The following KHDRBS2 variants were observed in gnomAD, a reference collection of about 807,000 sequenced individuals.
KHDRBS2 encodes the protein KH domain-containing, RNA-binding, signal transduction-associated protein 2.
Under a neutral mutation model 44.3 loss-of-function variants are expected in KHDRBS2, and 26 were observed. The ratio of observed to expected loss-of-function variants is 0.59; its 90% CI spans 0.43 to 0.81. The LOEUF is 0.81. KHDRBS2 is among the 40% of genes least tolerant of loss of function. The pLI, the probability that KHDRBS2 is intolerant of heterozygous loss-of-function variation, is 0.00. For synonymous variants in KHDRBS2, 194 were observed against 151.1 expected (o/e 1.28, Z -2.08); for missense variants, 476 against 433.1 (o/e 1.10, Z -0.88).
intron 7 of KHDRBS2, among the ~76,000 whole-genome samples, chr6:61,714,954 A>C (rs921610214): frequency 6.6e-6 from 1 of 151,962 alleles, no homozygotes. Context: ...TCCAATGTAC[A>C]ATATGTGGGT....
chr6:61,914,403 G>A (rs1186682661), intron 4 of KHDRBS2, among the ~76,000 whole-genome samples: 2 of 150,946 alleles, frequency 1.3e-5, no homozygotes, highest in Non-Finnish European at 1.5e-5. Flanking sequence ...GCAAACTATC[G>A]CAAGGACAAA....
intron 1 of KHDRBS2, among the ~76,000 whole-genome samples, chr6:62,214,908 C>A (rs976108208): frequency 1.3e-5 from 2 of 152,054 alleles, no homozygotes; most frequent in South Asian, 2.1e-4. Flanking sequence ...TCCAACTGTA[C>A]GTTCTTCTTC....
At chr6:62,021,931 T>C (rs1364997628) in intron 3 of KHDRBS2, among the ~76,000 whole-genome samples, 4 of 145,134 alleles carry the variant, frequency 2.8e-5, no homozygotes, top group African/African-American at 1.0e-4. Context: ...TGTGTATATA[T>C]ATATATATAC....
At chr6:61,681,568 T>C (rs935256586) in intron 8 of KHDRBS2, among the ~76,000 whole-genome samples, 14 of 151,798 alleles carry the variant, frequency 9.2e-5, no homozygotes, top group African/African-American at 3.4e-4. Context: ...TTGTGTTAAA[T>C]TGTATAGAGA....
rs1239584716 is a variant in KHDRBS2 at position 61,922,119 on chromosome 6, A to G, written c.484-20748T>C. On this transcript the variant is annotated intron_variant, in intron 4 of 8. Transcript: ENST00000281156. ...ATATTGAAATATTTATAATTTCTAA[A>G]AATCTATTTGTAGAGACTTATGCTT... 2.6e-5 allele frequency among the ~76,000 whole-genome samples: 4 copies of G among 152,088 alleles called. No individual in the cohort carries two copies. The South Asian group carries it at 6.2e-4, about 24-fold the overall frequency.
At chr6:62,154,107 G>A (rs2150107604) in intron 2 of KHDRBS2, among the ~76,000 whole-genome samples, 1 of 152,292 alleles carries the variant, frequency 6.6e-6, no homozygotes, top group South Asian at 2.1e-4. Context: ...GAAAGCCAAG[G>A]AGAGTACCAA....
intron 4 of KHDRBS2, among the ~76,000 whole-genome samples, chr6:61,969,568 T>G (rs749430463): frequency 6.6e-6 from 1 of 152,044 alleles, no homozygotes; most frequent in Non-Finnish European, 1.5e-5. Flanking sequence ...ACTTATAAAA[T>G]CATTTTCCTC....
chr6:62,102,620 C>T (rs867471738), intron 2 of KHDRBS2, among the ~76,000 whole-genome samples: 10 of 152,208 alleles, frequency 6.6e-5, no homozygotes, highest in South Asian at 2.1e-4. Flanking sequence ...CTCTGGCCCA[C>T]GGCTCCTGGG....
chr6:61,638,866 C>A, the KHDRBS2 span, among the ~76,000 whole-genome samples: 69 of 152,086 alleles, frequency 4.5e-4, 1 homozygote, highest in African/African-American at 1.4e-3. Flanking sequence ...TATCTTCTGT[C>A]TCTCCTATGT....
intron 8 of KHDRBS2, among the ~76,000 whole-genome samples, chr6:61,690,312 A>G (rs1212354240): frequency 6.6e-6 from 1 of 151,952 alleles, no homozygotes; most frequent in Admixed American, 6.6e-5. Flanking sequence ...CTAAATATAA[A>G]TCTATATCCT....
the KHDRBS2 span, among the ~76,000 whole-genome samples, chr6:61,547,993 T>C: frequency 6.6e-6 from 1 of 151,880 alleles, no homozygotes; most frequent in Middle Eastern, 3.2e-3. Flanking sequence ...AATCTCCAAA[T>C]CAACAGGGAA....
At chr6:61,758,777 C>T (rs1484786699) in intron 6 of KHDRBS2, among the ~76,000 whole-genome samples, 1 of 152,024 alleles carries the variant, frequency 6.6e-6, no homozygotes, top group East Asian at 1.9e-4. Context: ...ATAATACCAG[C>T]TCTAACTAAA....
At chr6:61,656,210 G>A in the KHDRBS2 span, among the ~76,000 whole-genome samples, 1 of 151,958 alleles carries the variant, frequency 6.6e-6, no homozygotes, top group Non-Finnish European at 1.5e-5. Flanking sequence ...CTGAATTTAG[G>A]CAGTCTTTTA....
At chr6:61,645,832 A>G in the KHDRBS2 span, among the ~76,000 whole-genome samples, 1 of 152,200 alleles carries the variant, frequency 6.6e-6, no homozygotes, top group Admixed American at 6.5e-5. Flanking sequence ...ACCTTTAATA[A>G]CATCCTCAAT....
At chr6:61,943,671 C>T (rs562914988) in intron 4 of KHDRBS2, among the ~76,000 whole-genome samples, 16 of 152,178 alleles carry the variant, frequency 1.1e-4, no homozygotes, top group Non-Finnish European at 2.1e-4. Context: ...TTATACAAAA[C>T]ATCTTCTGCA....
chr6:62,008,356 T>A (rs1036391148), intron 3 of KHDRBS2, among the ~76,000 whole-genome samples: 4 of 152,224 alleles, frequency 2.6e-5, no homozygotes, highest in African/African-American at 9.6e-5. Context: ...TTTATTCTAA[T>A]GTCCTTATGA....
At chr6:62,275,475 G>A (rs1449537450) in intron 1 of KHDRBS2, among the ~76,000 whole-genome samples, 1 of 152,026 alleles carries the variant, frequency 6.6e-6, no homozygotes, top group Non-Finnish European at 1.5e-5. Context: ...TCATTTTCAG[G>A]AATAAACATC....
chr6:61,658,296 G>T, the KHDRBS2 span, among the ~76,000 whole-genome samples: 3 of 151,700 alleles, frequency 2.0e-5, no homozygotes, highest in Admixed American at 6.6e-5. Context: ...GGTATTTATT[G>T]TTTTATTTAC....
chr6:61,611,538 CTT>C, the KHDRBS2 span, among the ~76,000 whole-genome samples: 1 of 152,136 alleles, frequency 6.6e-6, no homozygotes, highest in Non-Finnish European at 1.5e-5. Context: ...ACTTGTAAAT[CTT>C]AGCATTTTAA....
Sources: gnomAD v4.1 joint callset for allele counts (sites outside exome capture counted in the v4.1 genomes callset) on GRCh38, gnomAD v4.1.1 for gene constraint, MANE v1.5 for transcripts, NCBI Gene and HGNC (gene_info 2026-07-23, HGNC 2026-07-21) for gene names.